The following PCED1B variants were observed in gnomAD, a reference collection of about 807,000 sequenced individuals.
PCED1B encodes the protein PC-esterase domain containing 1B, also known as PC-esterase domain-containing protein 1B.
For synonymous variants in PCED1B, 251 were observed against 246.1 expected (o/e 1.02, Z -0.19); for missense variants, 573 against 573.9 (o/e 1.00, Z 0.02).
rs202018548 is a variant in PCED1B at position 47,094,896 on chromosome 12, CTT to C, written c.-608-9215_-608-9214del. Among the ~76,000 whole-genome samples the C allele has an allele frequency of 6.9e-3, 1,027 of 149,644 alleles. 12 individuals are homozygous for C. The highest frequency in any genetic ancestry group is 0.024 in the African/African-American group (953 of 40,382). ...GGAATTCTCTTTTCTTTCTCTCTCT[CTT>C]TCTTTTTTTTTTTTTTCTTTTTTGA... On this transcript the variant is annotated intron_variant, in intron 1 of 3. Coordinates refer to ENST00000546455, the MANE Select transcript of PCED1B (RefSeq NM_138371.3).
intron 2 of PCED1B, among the ~76,000 whole-genome samples, chr12:47,111,735 A>AT (rs1241480715): frequency 6.6e-6 from 1 of 151,890 alleles, no homozygotes; most frequent in Non-Finnish European, 1.5e-5. Flanking sequence ...TTCAAGGTAA[A>AT]TTTTTTTTAA....
intron 1 of PCED1B, among the ~76,000 whole-genome samples, chr12:47,084,791 A>G (rs1430429173): frequency 1.3e-5 from 2 of 152,226 alleles, no homozygotes; most frequent in African/African-American, 2.4e-5. Flanking sequence ...GAAACCTACC[A>G]AAATTACAAG....
At chr12:47,187,471 C>T (rs886346067) in intron 2 of PCED1B, among the ~76,000 whole-genome samples, 3 of 152,100 alleles carry the variant, frequency 2.0e-5, no homozygotes, top group African/African-American at 7.2e-5. Context: ...AAAAGAGAAA[C>T]AGGGATGCTG....
intron 3 of PCED1B, 57 bp from the exon 4 acceptor site, chr12:47,234,950 A>G (rs1484738740): frequency 4.1e-6 from 4 of 976,240 alleles, no homozygotes; most frequent in East Asian, 5.2e-5. Context: ...CCCAACCTGC[A>G]CTGGGCGCTC....
intron 3 of PCED1B, among the ~76,000 whole-genome samples, chr12:47,231,340 G>T (rs1363234881): frequency 6.6e-6 from 1 of 152,198 alleles, no homozygotes; most frequent in African/African-American, 2.4e-5. Context: ...AGAAATGACA[G>T]GACAAAGGGG....
chr12:47,172,340 C>CTTTTTTTTTTTTTTTTTTTTTTTGTTTTT (rs34230051), intron 2 of PCED1B, among the ~76,000 whole-genome samples: 5 of 78,352 alleles, frequency 6.4e-5, no homozygotes, highest in East Asian at 4.1e-4. Flanking sequence ...TCGTGGGTTG[C>CTTTTTTTTTTTTTTTTTTTTTTTGTTTTT]TTTTTTTTTT....
rs142301042 is a variant in PCED1B at position 47,102,322 on chromosome 12, T to G, written c.-608-1791T>G. ...TTTCAGATATCCAAAAATGTAGACA[T>G]ATTGTCAGGCTTTGCTACTTTTTTG... On this transcript the variant is annotated intron_variant, in intron 1 of 3. Transcript: ENST00000546455. Among the ~76,000 whole-genome samples the G allele has an allele frequency of 3.5e-3, 534 of 152,356 alleles. 8 individuals are homozygous for G. Among genetic ancestry groups the G allele is most frequent in the South Asian group, 0.034 (165 of 4,832 alleles).
chr12:47,197,099 C>G (rs919490408), intron 2 of PCED1B, among the ~76,000 whole-genome samples: 6 of 148,334 alleles, frequency 4.0e-5, no homozygotes, highest in African/African-American at 1.5e-4. Context: ...ATTAGCCAGA[C>G]ATGGTGGCGG....
intron 1 of PCED1B, among the ~76,000 whole-genome samples, chr12:47,103,727 CCT>C (rs1054873334): frequency 2.1e-4 from 32 of 152,172 alleles, no homozygotes; most frequent in Non-Finnish European, 3.8e-4. Flanking sequence ...AGACTCTCCT[CCT>C]CTGTCTTCCC....
intron 2 of PCED1B, among the ~76,000 whole-genome samples, chr12:47,136,101 G>GTTTT (rs1940360264): frequency 3.4e-5 from 1 of 29,466 alleles, no homozygotes; most frequent in East Asian, 9.7e-4. Context: ...TTTTTTTTTT[G>GTTTT]GCCAATTTGA....
chr12:47,161,611 C>A (rs564754373), intron 2 of PCED1B, among the ~76,000 whole-genome samples: 2 of 152,278 alleles, frequency 1.3e-5, no homozygotes, highest in African/African-American at 4.8e-5. Flanking sequence ...AGTCAGGGAA[C>A]AACAGGTGCT....
At chr12:47,119,432 C>G (rs1314577328) in intron 2 of PCED1B, among the ~76,000 whole-genome samples, 1 of 151,926 alleles carries the variant, frequency 6.6e-6, no homozygotes, top group Non-Finnish European at 1.5e-5. Context: ...GTGGCTCACA[C>G]CTATAATCCC....
At chr12:47,205,916 T>C (rs1433414362) in intron 2 of PCED1B, 1 of 152,190 alleles carries the variant, frequency 6.6e-6, no homozygotes, top group African/African-American at 2.4e-5. Flanking sequence ...ACCAGGGTTT[T>C]ATTATTACTC....
intron 1 of PCED1B, among the ~76,000 whole-genome samples, chr12:47,081,480 G>A (rs1199216454): frequency 1.3e-5 from 2 of 152,166 alleles, no homozygotes; most frequent in Non-Finnish European, 2.9e-5. Context: ...ATTTTCAGAT[G>A]AGGACAACTT....
chr12:47,083,033 G>A (rs1035875888), intron 1 of PCED1B, among the ~76,000 whole-genome samples: 2 of 149,860 alleles, frequency 1.3e-5, no homozygotes, highest in Non-Finnish European at 3.0e-5. Context: ...TCATGTGAGT[G>A]TCTAGCTGGG....
In PCED1B at chr12:47,236,054, C is replaced by T. The variant is rs754012197; in HGVS notation, c.991C>T (p.Pro331Ser). ...PPPILHHQGM[P>S]RFPQGPPDAC... ...TCCCATTCTCCATCACCAGGGAATG[C>T]CCCGGTTCCCACAGGGTCCCCCAGA... The change falls in exon 4 of 4, where the codon CCC becomes TCC. Residue 331 changes from proline to serine, a missense_variant. Coordinates refer to ENST00000546455, the MANE Select transcript of PCED1B (RefSeq NM_138371.3). 1 of 1,613,960 alleles carries T rather than the reference C, an allele frequency of 6.2e-7. No homozygotes were observed. Among genetic ancestry groups the T allele is most frequent in the East Asian group, 2.2e-5 (1 of 44,860 alleles).
intron 1 of PCED1B, among the ~76,000 whole-genome samples, chr12:47,102,840 A>T (rs1238340459): frequency 6.6e-6 from 1 of 152,280 alleles, no homozygotes; most frequent in African/African-American, 2.4e-5. Flanking sequence ...TATAATTATC[A>T]GTATAAGTAA....
chr12:47,173,374 C>G, intron 2 of PCED1B, among the ~76,000 whole-genome samples: 1 of 152,168 alleles, frequency 6.6e-6, no homozygotes, highest in Non-Finnish European at 1.5e-5. Flanking sequence ...CTGCCTCAGC[C>G]TCTCGAGTAG....
chr12:47,174,309 T>C (rs1254848982), intron 2 of PCED1B, among the ~76,000 whole-genome samples: 1 of 151,746 alleles, frequency 6.6e-6, no homozygotes, highest in East Asian at 1.9e-4. Context: ...CTCGGGAGGC[T>C]GAGGCAGAAG....
Sources: gnomAD v4.1 joint callset for allele counts (sites outside exome capture counted in the v4.1 genomes callset) on GRCh38, gnomAD v4.1.1 for gene constraint, MANE v1.5 for transcripts, NCBI Gene and HGNC (gene_info 2026-07-23, HGNC 2026-07-21) for gene names.